P2RX6: variants seen among roughly 807,000 people sequenced by gnomAD.
P2RX6 encodes purinergic receptor P2X 6.
A neutral mutation model predicts 54.2 loss-of-function variants in P2RX6; 62 were observed. The ratio of observed to expected loss-of-function variants is 1.14; its 90% CI spans 0.93 to 1.41. P2RX6 has a LOEUF of 1.41. Ranked by LOEUF, P2RX6 falls within the 40% of genes most tolerant of loss-of-function variation. The probability of loss-of-function intolerance (pLI) is 0.00; values close to 1 mark genes in which losing one functional copy is unlikely to be tolerated. For synonymous variants in P2RX6, 211 were observed against 231.9 expected (o/e 0.91, Z 0.82); for missense variants, 541 against 566.3 (o/e 0.96, Z 0.45).
At chr22:21,011,388 T>A (rs144302915), upstream of P2RX6, 5,592 of 641,634 alleles carry the variant, frequency 8.7e-3, 249 homozygotes, top group African/African-American at 0.093. Context: ...CATTACCTGC[T>A]TGGTCATTCA....
At position 21,026,662 on chromosome 22, in the gene P2RX6, C is replaced by G; in HGVS notation, c.*45C>G. On this transcript the variant is annotated 3_prime_UTR_variant, in exon 12 of 12. Coordinates refer to ENST00000413302, the MANE Select transcript of P2RX6 (RefSeq NM_005446.5). The surrounding 1 kb of genome is among the most constrained non-coding windows in gnomAD (Gnocchi z 4.0). ...AGTTGGGGGCTGGGAAGGGCGGGGCCCTGCCTGGGGATCTCAAGGATGAGG... is the reference window on the plus strand; with the variant it reads ...AGTTGGGGGCTGGGAAGGGCGGGGCGCTGCCTGGGGATCTCAAGGATGAGG... The G allele has an allele frequency of 6.5e-7, 1 of 1,535,834 alleles. No homozygotes were observed. The highest frequency in any genetic ancestry group is 8.8e-7 in the Non-Finnish European group (1 of 1,138,020).
intron 2 of P2RX6, 73 bp downstream of exon 2, chr22:21,016,165 C>T: frequency 1.4e-6 from 2 of 1,436,196 alleles, no homozygotes; most frequent in African/African-American, 1.4e-5. Context: ...CGCCATGCAG[C>T]CAGTGTGTGC....
chr22:21,014,626 G>A (rs1282979552), upstream of P2RX6, among the ~76,000 whole-genome samples: 1 of 152,122 alleles, frequency 6.6e-6, no homozygotes, highest in Non-Finnish European at 1.5e-5. Context: ...GGTGGCGGGG[G>A]CAGCTTTTCA....
upstream of P2RX6, among the ~76,000 whole-genome samples, chr22:21,013,564 G>A (rs944246574): frequency 2.0e-5 from 3 of 152,220 alleles, no homozygotes; most frequent in African/African-American, 4.8e-5. Context: ...TGAAAGCTGG[G>A]TGACAGAGCA....
At chr22:21,011,614 G>A (rs1199833060), upstream of P2RX6, 5 of 712,082 alleles carry the variant, frequency 7.0e-6, no homozygotes, top group African/African-American at 3.5e-5. Flanking sequence ...CCACTCCTCA[G>A]CCAGTGGGAT....
chr22:21,023,464 G>C, intron 7 of P2RX6, 45 bp from the exon 8 acceptor site: 1 of 1,613,750 alleles, frequency 6.2e-7, no homozygotes. Context: ...CTGGGAGAGG[G>C]TCCCGGGCCC....
chr22:21,014,413 G>A (rs1925990078), upstream of P2RX6: 1 of 152,298 alleles, frequency 6.6e-6, no homozygotes. Flanking sequence ...AGTGCTGTAG[G>A]TTGCCGTAGA....
At position 21,022,983 on chromosome 22, in the gene P2RX6, A is replaced by G. The variant is rs1393250166; in HGVS notation, c.505A>G (p.Arg169Gly). The G allele has an allele frequency of 2.5e-6, 4 of 1,613,462 alleles. No homozygotes were observed. The highest frequency in any genetic ancestry group is 3.4e-6 in the Non-Finnish European group (4 of 1,179,610). ...GQCVVFNGTH[R>G]TCEIWSWCPV... is the part of the protein sequence containing the mutation. ...GTGTGTGGTGTTCAATGGGACCCACAGGACCTGTGAGATCTGGAGTTGGTG... is the reference window on the plus strand; with the variant it reads ...GTGTGTGGTGTTCAATGGGACCCACGGGACCTGTGAGATCTGGAGTTGGTG... The change falls in exon 5 of 12, where the codon AGG (arginine) becomes GGG (glycine). Residue 169 changes from arginine to glycine, a missense_variant. This residue lies in a region of P2RX6 where 526 missense variants were observed against 531.5 expected (regional missense o/e 0.99). Transcript: ENST00000413302.
chr22:21,025,821 T>C lies in P2RX6; in HGVS notation c.907T>C (p.Trp303Arg), dbSNP rs1365875867. 1 of 1,561,412 alleles carries C rather than the reference T, an allele frequency of 6.4e-7. No individual in the cohort carries two copies. The highest frequency in any genetic ancestry group is 1.9e-5 in the Admixed American group (1 of 52,352). ...SYNFRTATHW[W>R]EQPGVEARTL... is the part of the protein sequence containing the mutation. The stretch of plus-strand genomic sequence containing the variant: ...TGCCCACAGGACAGCCACTCACTGG[T>C]GGGAGCAACCGGGTGTGGAGGCCCG... The change falls in exon 9 of 12, where the codon TGG (tryptophan) becomes CGG (arginine). Residue 303 changes from tryptophan (W) to arginine (R), a missense_variant. This residue lies in a region of P2RX6 where 526 missense variants were observed against 531.5 expected (regional missense o/e 0.99). Transcript: ENST00000413302.
In P2RX6 at chr22:21,026,667, C is replaced by G; in HGVS notation, c.*50C>G. The G allele has an allele frequency of 6.5e-7, 1 of 1,530,468 alleles. No individual in the cohort carries two copies. The highest frequency in any genetic ancestry group is 8.8e-7 in the Non-Finnish European group (1 of 1,134,936). The allele number at this position is 1,530,468 out of a possible 1,614,324, so 94.8% of individuals were successfully genotyped here. ...GGGGCTGGGAAGGGCGGGGCCCTGC[C>G]TGGGGATCTCAAGGATGAGGCCCCA... On this transcript the variant is annotated 3_prime_UTR_variant, in exon 12 of 12. Coordinates refer to ENST00000413302, the MANE Select transcript of P2RX6 (RefSeq NM_005446.5). This position sits in a 1 kb window ranked among gnomAD's most constrained non-coding sequence, Gnocchi z 4.0.
At chr22:21,020,188 G>T (rs1927105196) in intron 3 of P2RX6, among the ~76,000 whole-genome samples, 1 of 152,186 alleles carries the variant, frequency 6.6e-6, no homozygotes, top group Non-Finnish European at 1.5e-5. Flanking sequence ...AAATTTGGCT[G>T]GATCTGTGGG....
chr22:21,022,810 T>C (rs1927658081), intron 4 of P2RX6, 59 bp downstream of exon 4: 13 of 1,488,618 alleles, frequency 8.7e-6, no homozygotes, highest in Non-Finnish European at 1.0e-5. Flanking sequence ...GCTGGGATCC[T>C]GGGTGGCTCC....
chr22:21,012,696 G>T (rs1925810180), upstream of P2RX6: 4 of 392,580 alleles, frequency 1.0e-5, no homozygotes, highest in Middle Eastern at 1.2e-3. Flanking sequence ...CCACTATCCT[G>T]GCTCATGCTC....
At chr22:21,011,861 G>C (rs536849024), upstream of P2RX6, among the ~76,000 whole-genome samples, 25 of 152,270 alleles carry the variant, frequency 1.6e-4, no homozygotes, top group African/African-American at 6.0e-4. Context: ...GTGGTGGGGG[G>C]CAGCCACCCC....
At chr22:21,011,689 A>T (rs1384651689), upstream of P2RX6, 111 of 640,940 alleles carry the variant, frequency 1.7e-4, no homozygotes, top group African/African-American at 1.7e-3. Context: ...GGTCTGAGGC[A>T]GAGGAAAAGG....
chr22:21,014,401 C>T (rs1326751255), upstream of P2RX6: 1 of 152,342 alleles, frequency 6.6e-6, no homozygotes, highest in Admixed American at 6.5e-5. Context: ...CCCCGGCAAC[C>T]CAGTGCTGTA....
chr22:21,022,347 C>G (rs1927552079), intron 3 of P2RX6, among the ~76,000 whole-genome samples: 2 of 152,238 alleles, frequency 1.3e-5, no homozygotes, highest in Non-Finnish European at 2.9e-5. Flanking sequence ...GCACTAGAGC[C>G]TGGACAACAG....
intron 2 of P2RX6, among the ~76,000 whole-genome samples, chr22:21,016,896 T>C (rs1323229229): frequency 6.6e-6 from 1 of 152,168 alleles, no homozygotes; most frequent in Non-Finnish European, 1.5e-5. Context: ...AGCTGTCTTC[T>C]AGGTGCACAC....
chr22:21,021,174 G>T (rs549217613), intron 3 of P2RX6, among the ~76,000 whole-genome samples: 1 of 152,046 alleles, frequency 6.6e-6, no homozygotes, highest in Non-Finnish European at 1.5e-5. Context: ...ATGAGGTCTT[G>T]CTTTGTTGCC....
Sources: allele counts gnomAD v4.1 joint callset (sites outside exome capture counted in the v4.1 genomes callset), GRCh38; gene constraint gnomAD v4.1.1; regional missense constraint gnomAD v4.1.1; non-coding constraint Gnocchi (gnomAD v3.1); transcripts MANE v1.5; gene names NCBI Gene and HGNC (gene_info 2026-07-23, HGNC 2026-07-21).